Variants in TRDN observed in about 807,000 individuals in gnomAD.
The protein encoded by TRDN is triadin.
In TRDN, 161 loss-of-function variants were observed where a neutral mutation model predicts 149.7. That is an observed-to-expected ratio of 1.08 (90% CI 0.95 to 1.23). The LOEUF is 1.23. Among genes scored for constraint, TRDN ranks in the 50% most tolerant of loss-of-function variants. TRDN has a pLI of 0.00. For synonymous variants in TRDN, 294 were observed against 250.5 expected, an observed-to-expected ratio of 1.17 and a Z score of -1.64; for missense variants, 896 against 823.5, an observed-to-expected ratio of 1.09 and a Z score of -1.08.
chr6:123,376,365 C>T (rs1781503746), intron 18 of TRDN, among the ~76,000 whole-genome samples: 1 of 152,240 alleles, frequency 6.6e-6, no homozygotes, highest in Non-Finnish European at 1.5e-5. Flanking sequence ...ATATGAAATG[C>T]TGAAATGTGC....
At chr6:123,586,894 T>A (rs1039773046) in intron 1 of TRDN, among the ~76,000 whole-genome samples, 4 of 151,518 alleles carry the variant, frequency 2.6e-5, no homozygotes, top group Admixed American at 6.6e-5. Flanking sequence ...AAATAAGGGA[T>A]TGGGGTGCAG....
chr6:123,512,182 C>A (rs1779215184), intron 7 of TRDN, 121 bp downstream of exon 7: 2 of 557,534 alleles, frequency 3.6e-6, no homozygotes, highest in Admixed American at 3.3e-5. Context: ...AAAGGTAAGA[C>A]CAAATTAACT....
chr6:123,473,651 C>T (rs1382437324), intron 9 of TRDN, among the ~76,000 whole-genome samples: 1 of 150,886 alleles, frequency 6.6e-6, no homozygotes, highest in African/African-American at 2.4e-5. Context: ...GTCAGATTCA[C>T]CAAAGTTGAA....
intron 9 of TRDN, among the ~76,000 whole-genome samples, chr6:123,481,730 C>A (rs1476834273): frequency 6.6e-6 from 1 of 152,086 alleles, no homozygotes; most frequent in Non-Finnish European, 1.5e-5. Context: ...CAAACAATCT[C>A]CAAAACTTCA....
intron 31 of TRDN, among the ~76,000 whole-genome samples, chr6:123,268,050 G>T (rs1448770187): frequency 6.6e-6 from 1 of 152,084 alleles, no homozygotes; most frequent in Non-Finnish European, 1.5e-5. Flanking sequence ...AGGAGAATAA[G>T]AATATTGTTT....
intron 9 of TRDN, among the ~76,000 whole-genome samples, chr6:123,473,932 C>T (rs550448826): frequency 6.6e-6 from 1 of 152,052 alleles, no homozygotes; most frequent in Non-Finnish European, 1.5e-5. Flanking sequence ...CCTAAAAGAG[C>T]TCCTGAAGGA....
chr6:123,267,190 A>C (rs147321552), intron 32 of TRDN, among the ~76,000 whole-genome samples: 38 of 149,650 alleles, frequency 2.5e-4, no homozygotes, highest in Non-Finnish European at 4.7e-4. Flanking sequence ...CAAAAGAGAG[A>C]GATTTTTGCA....
intron 2 of TRDN, among the ~76,000 whole-genome samples, chr6:123,558,030 C>T (rs1013594587): frequency 1.1e-4 from 17 of 152,224 alleles, no homozygotes; most frequent in African/African-American, 3.9e-4. Flanking sequence ...AGCCAGAAAA[C>T]AGCACTTTCG....
intron 14 of TRDN, among the ~76,000 whole-genome samples, chr6:123,384,062 T>C (rs1228213815): frequency 6.6e-6 from 1 of 152,192 alleles, no homozygotes; most frequent in East Asian, 1.9e-4. Context: ...TTTAAATTAG[T>C]AGGCTACATT....
intron 38 of TRDN, among the ~76,000 whole-genome samples, chr6:123,228,464 C>T (rs1253397443): frequency 2.0e-5 from 3 of 151,900 alleles, no homozygotes; most frequent in Non-Finnish European, 4.4e-5. Context: ...CAGAAGTCAA[C>T]GTGTCCTTCT....
intron 38 of TRDN, among the ~76,000 whole-genome samples, chr6:123,238,540 A>C (rs1464493908): frequency 6.6e-6 from 1 of 152,200 alleles, no homozygotes; most frequent in Non-Finnish European, 1.5e-5. Flanking sequence ...ATGAAGAAGC[A>C]TTGAGAGAGC....
At chr6:123,396,940 T>C (rs2114472295) in intron 12 of TRDN, among the ~76,000 whole-genome samples, 1 of 152,226 alleles carries the variant, frequency 6.6e-6, no homozygotes, top group South Asian at 2.1e-4. Flanking sequence ...TGCTACACTG[T>C]CAGCAGCCAG....
At chr6:123,585,522 G>A (rs532952048) in intron 1 of TRDN, among the ~76,000 whole-genome samples, 8 of 152,300 alleles carry the variant, frequency 5.3e-5, no homozygotes, top group Non-Finnish European at 4.4e-5. Context: ...TGATGGTCTA[G>A]GGGGCTTCCG....
chr6:123,230,037 C>A (rs991689427), intron 38 of TRDN, among the ~76,000 whole-genome samples: 4 of 151,738 alleles, frequency 2.6e-5, no homozygotes, highest in African/African-American at 9.7e-5. Flanking sequence ...TTATATCTAT[C>A]AATAGTTACC....
At chr6:123,624,253 G>A (rs563126519) in intron 1 of TRDN, among the ~76,000 whole-genome samples, 7 of 152,074 alleles carry the variant, frequency 4.6e-5, no homozygotes, top group South Asian at 4.2e-4. Flanking sequence ...AAAGCACCTG[G>A]GTATTGAGAG....
intron 10 of TRDN, among the ~76,000 whole-genome samples, chr6:123,460,323 G>A (rs1460464901): frequency 6.6e-6 from 1 of 151,960 alleles, no homozygotes; most frequent in African/African-American, 2.4e-5. Flanking sequence ...TAAAATTAAT[G>A]GTTTTTATAT....
intron 38 of TRDN, among the ~76,000 whole-genome samples, chr6:123,250,293 G>T (rs187040430): frequency 1.5e-4 from 23 of 152,154 alleles, no homozygotes; most frequent in Admixed American, 5.9e-4. Context: ...GTTAGGGGAA[G>T]AGAGTGATGG....
intron 5 of TRDN, among the ~76,000 whole-genome samples, chr6:123,526,758 G>C (rs1467426619): frequency 2.6e-5 from 4 of 151,942 alleles, no homozygotes; most frequent in Non-Finnish European, 5.9e-5. Context: ...GTAGTTTAGG[G>C]TTGTTACAGG....
In TRDN at chr6:123,350,274, T is replaced by C. The variant is rs148630718; in HGVS notation, c.1369+2265A>G. Reference sequence around the variant, plus strand: ...ATTATTCTGTAATAAAACTTTCAACTTAATTTTGAGATACTGGAATATCCA... The same window carrying C: ...ATTATTCTGTAATAAAACTTTCAACCTAATTTTGAGATACTGGAATATCCA... On this transcript the variant is annotated intron_variant, in intron 21 of 40. Coordinates refer to ENST00000334268, the MANE Select transcript of TRDN (RefSeq NM_006073.4). 1.0e-3 allele frequency: 979 copies of C among 958,154 alleles called. 8 individuals are homozygous for C. The African/African-American group carries it at 0.016, about 15-fold the overall frequency. 59.4% of individuals were successfully genotyped at this position (958,154 alleles called of 1,614,324 possible). A position where few individuals can be genotyped will look rare whatever the true frequency, so the allele number is the denominator to read the frequency against.
Sources: allele counts gnomAD v4.1 joint callset (sites outside exome capture counted in the v4.1 genomes callset), GRCh38; gene constraint gnomAD v4.1.1; transcripts MANE v1.5; gene names NCBI Gene and HGNC (gene_info 2026-07-23, HGNC 2026-07-21).